The following GTF2F2 variants were observed in gnomAD, a reference collection of about 807,000 sequenced individuals.
The protein encoded by GTF2F2 is ATP-dependent helicase GTF2F2.
Under a neutral mutation model 42.2 loss-of-function variants are expected in GTF2F2, and 23 were observed. The ratio of observed to expected loss-of-function variants is 0.55; its 90% CI spans 0.39 to 0.77. The LOEUF is 0.77. GTF2F2 is among the 30% of genes least tolerant of loss of function. The pLI, the probability that GTF2F2 is intolerant of heterozygous loss-of-function variation, is 0.00. For missense variants in GTF2F2, 261 were observed against 287.2 expected (o/e 0.91, Z 0.66); for synonymous variants, 105 against 100.8 (o/e 1.04, Z -0.25).
chr13:45,277,638 A>C (rs1201689075), intron 7 of GTF2F2, among the ~76,000 whole-genome samples: 1 of 152,220 alleles, frequency 6.6e-6, no homozygotes, highest in Non-Finnish European at 1.5e-5. Context: ...TTTTAACAGA[A>C]GAATGTTTTG....
intron 4 of GTF2F2, among the ~76,000 whole-genome samples, chr13:45,161,877 T>TA (rs140277998): frequency 0.011 from 1,611 of 152,320 alleles, 27 homozygotes; most frequent in African/African-American, 0.036. Flanking sequence ...CATATTTTTT[T>TA]AACCAGATTT....
chr13:45,210,738 A>C (rs546451574), intron 5 of GTF2F2, among the ~76,000 whole-genome samples: 1 of 152,068 alleles, frequency 6.6e-6, no homozygotes, highest in Non-Finnish European at 1.5e-5. Flanking sequence ...ATGAGGTTTA[A>C]AATGTTAAAG....
At chr13:45,131,955 T>TGG (rs1869379221) in intron 1 of GTF2F2, among the ~76,000 whole-genome samples, 1 of 144,312 alleles carries the variant, frequency 6.9e-6, no homozygotes, top group African/African-American at 2.6e-5. Context: ...AATCAGACAC[T>TGG]GGGTGGGAAG....
intron 5 of GTF2F2, among the ~76,000 whole-genome samples, chr13:45,235,902 G>T (rs1000687591): frequency 6.6e-5 from 10 of 152,022 alleles, no homozygotes; most frequent in Non-Finnish European, 1.2e-4. Flanking sequence ...ACCGCACATG[G>T]CCAGATACTT....
At chr13:45,206,742 C>G (rs532095425) in intron 4 of GTF2F2, 4 of 152,264 alleles carry the variant, frequency 2.6e-5, no homozygotes, top group African/African-American at 9.6e-5. Context: ...TCTGATTCTC[C>G]TAGGTTTTAT....
intron 4 of GTF2F2, among the ~76,000 whole-genome samples, chr13:45,191,224 A>AAAAAATATATATATAT: frequency 4.2e-4 from 32 of 75,306 alleles, no homozygotes; most frequent in African/African-American, 2.6e-3. Context: ...ACAAAAAAAA[A>AAAAAATATATATATAT]ATATATATAT....
chr13:45,258,412 T>C (rs867933373), intron 6 of GTF2F2, among the ~76,000 whole-genome samples: 14 of 151,202 alleles, frequency 9.3e-5, no homozygotes, highest in African/African-American at 2.4e-4. Context: ...TTCATTCTCC[T>C]ATTGGCAGAA....
At chr13:45,265,043 G>A (rs1276323542) in intron 6 of GTF2F2, among the ~76,000 whole-genome samples, 1 of 152,016 alleles carries the variant, frequency 6.6e-6, no homozygotes, top group Non-Finnish European at 1.5e-5. Flanking sequence ...GGCGGATCAC[G>A]AGGTTAGGAG....
intron 7 of GTF2F2, among the ~76,000 whole-genome samples, chr13:45,275,915 A>T (rs1183411390): frequency 2.6e-5 from 4 of 152,216 alleles, no homozygotes; most frequent in Non-Finnish European, 2.9e-5. Context: ...TTACAGTCCC[A>T]CCAACAGGGT....
intron 5 of GTF2F2, among the ~76,000 whole-genome samples, chr13:45,231,940 C>T (rs192467606): frequency 2.0e-5 from 3 of 152,228 alleles, no homozygotes; most frequent in Admixed American, 2.0e-4. Flanking sequence ...TGGGTAGCTT[C>T]CTGCAGTTTG....
intron 4 of GTF2F2, among the ~76,000 whole-genome samples, chr13:45,192,330 A>G (rs1872692278): frequency 2.0e-5 from 3 of 152,190 alleles, no homozygotes; most frequent in Non-Finnish European, 4.4e-5. Context: ...TTTAGCATAT[A>G]CAGCCAACTT....
intron 7 of GTF2F2, among the ~76,000 whole-genome samples, chr13:45,272,152 C>T (rs969729805): frequency 2.0e-5 from 3 of 149,608 alleles, no homozygotes; most frequent in Non-Finnish European, 3.0e-5. Context: ...ATATTGACAG[C>T]CCTCTTTAAG....
chr13:45,227,001 C>A (rs1039633668), intron 5 of GTF2F2, among the ~76,000 whole-genome samples: 1 of 151,956 alleles, frequency 6.6e-6, no homozygotes, highest in Admixed American at 6.6e-5. Context: ...AATAGGAGGC[C>A]AAGGTGGGAG....
chr13:45,173,776 C>T (rs186666984), intron 4 of GTF2F2, among the ~76,000 whole-genome samples: 63 of 151,910 alleles, frequency 4.1e-4, no homozygotes, highest in African/African-American at 1.5e-3. Context: ...CGCTACCACG[C>T]CCAGCTAATT....
At chr13:45,125,025 C>T (rs1868907883) in intron 1 of GTF2F2, among the ~76,000 whole-genome samples, 1 of 152,062 alleles carries the variant, frequency 6.6e-6, no homozygotes, top group South Asian at 2.1e-4. Flanking sequence ...ACATTGGTGG[C>T]CAAAGAGAAA....
At chr13:45,191,220 A>ATATATATAT (rs1555267754) in intron 4 of GTF2F2, among the ~76,000 whole-genome samples, 3 of 75,208 alleles carry the variant, frequency 4.0e-5, no homozygotes, top group South Asian at 3.6e-4. Flanking sequence ...AAATACAAAA[A>ATATATATAT]AAAAATATAT....
At chr13:45,177,172 T>A (rs866705779) in intron 4 of GTF2F2, among the ~76,000 whole-genome samples, 3 of 151,664 alleles carry the variant, frequency 2.0e-5, no homozygotes, top group Non-Finnish European at 2.9e-5. Flanking sequence ...TATTTTTTTT[T>A]AATAAAGACC....
chr13:45,161,712 G>A (rs1355144965), intron 4 of GTF2F2, among the ~76,000 whole-genome samples: 1 of 152,172 alleles, frequency 6.6e-6, no homozygotes, highest in Non-Finnish European at 1.5e-5. Flanking sequence ...CTGTGGTGGT[G>A]AGTGCCTGTA....
intron 5 of GTF2F2, among the ~76,000 whole-genome samples, chr13:45,238,940 A>G (rs1184522854): frequency 7.3e-6 from 1 of 137,668 alleles, no homozygotes; most frequent in African/African-American, 3.1e-5. Context: ...GCGAAATTCC[A>G]TCTCGAAAAA....
Sources: gnomAD v4.1 joint callset for allele counts (sites outside exome capture counted in the v4.1 genomes callset) on GRCh38, gnomAD v4.1.1 for gene constraint, MANE v1.5 for transcripts, NCBI Gene and HGNC (gene_info 2026-07-23, HGNC 2026-07-21) for gene names.